TFPI: variants seen among roughly 807,000 people sequenced by gnomAD.
TFPI encodes the protein tissue factor pathway inhibitor.
TFPI carries 15 observed loss-of-function variants against 34.6 expected under a neutral mutation model. The observed-to-expected ratio is 0.43, with a 90% CI of 0.29 to 0.67. TFPI has a LOEUF of 0.67. Among genes scored for constraint, TFPI ranks in the 30% least tolerant of loss-of-function variants. TFPI has a pLI of 0.15. For synonymous variants in TFPI, 105 were observed against 120.1 expected, an observed-to-expected ratio of 0.87 and a Z score of 0.82; for missense variants, 301 against 364.0, an observed-to-expected ratio of 0.83 and a Z score of 1.41.
intron 1 of TFPI, among the ~76,000 whole-genome samples, chr2:187,541,406 C>T (rs183109211): frequency 6.6e-6 from 1 of 152,256 alleles, no homozygotes; most frequent in Non-Finnish European, 1.5e-5. Flanking sequence ...TTGATGGTTC[C>T]TGGCACTGAC....
At chr2:187,531,908 C>T (rs1486040220) in intron 1 of TFPI, among the ~76,000 whole-genome samples, 3 of 149,116 alleles carry the variant, frequency 2.0e-5, no homozygotes, top group Non-Finnish European at 4.4e-5. Context: ...GATTTCTTAC[C>T]AACTGCTTTT....
chr2:187,520,727 A>C (rs1687324095), intron 1 of TFPI: 1 of 152,112 alleles, frequency 6.6e-6, no homozygotes. Context: ...ATACTTTTGC[A>C]CCAGATATTT....
At chr2:187,531,027 C>T (rs1687930911) in intron 1 of TFPI, among the ~76,000 whole-genome samples, 1 of 152,132 alleles carries the variant, frequency 6.6e-6, no homozygotes, top group Non-Finnish European at 1.5e-5. Flanking sequence ...CTTTGTTTCT[C>T]ACAAAACCTG....
chr2:187,543,229 A>G (rs1688675146), intron 1 of TFPI, among the ~76,000 whole-genome samples: 1 of 152,222 alleles, frequency 6.6e-6, no homozygotes, highest in Non-Finnish European at 1.5e-5. Context: ...TATTTATTTT[A>G]CTAGAGAAAA....
chr2:187,510,629 C>G (rs1016641774), intron 1 of TFPI, among the ~76,000 whole-genome samples: 1 of 152,172 alleles, frequency 6.6e-6, no homozygotes, highest in Non-Finnish European at 1.5e-5. Flanking sequence ...AGTTAAAGAT[C>G]GACCCCTGAC....
rs527621301 is a variant in TFPI, at chr2:187,485,984, T to C, written c.359-997A>G. Among the ~76,000 whole-genome samples the C allele has an allele frequency of 2.6e-5, 4 of 151,826 alleles. No homozygotes were observed. The South Asian group carries it at 8.3e-4, about 31-fold the overall frequency. On this transcript the variant is annotated intron_variant, in intron 4 of 7. Coordinates refer to ENST00000233156, the MANE Select transcript of TFPI (RefSeq NM_006287.6). Reference sequence around the variant, plus strand: ...TTTTACAATAAAAAAGAACATGTATTTAATAATGTTAATGATTTCTGCAAC... The same window carrying C: ...TTTTACAATAAAAAAGAACATGTATCTAATAATGTTAATGATTTCTGCAAC...
chr2:187,544,121 C>T (rs7594359), intron 1 of TFPI, among the ~76,000 whole-genome samples: 54,984 of 151,958 alleles, frequency 0.36, 10,871 homozygotes, highest in Non-Finnish European at 0.45. Flanking sequence ...CAAATATAAC[C>T]TCACAGTTGT....
Position 187,467,103 on chromosome 2 carries a change from T to C in TFPI, c.809-61A>G, listed in dbSNP as rs1012830355. 10 of 1,104,626 alleles carry C rather than the reference T, an allele frequency of 9.1e-6. No homozygotes were observed. The African/African-American group carries it at 1.6e-4, about 18-fold the overall frequency. 68.4% of individuals were successfully genotyped at this position (1,104,626 alleles called of 1,614,324 possible). A position where few individuals can be genotyped will look rare whatever the true frequency, so the allele number is the denominator to read the frequency against. On this transcript the variant is annotated intron_variant, in intron 7 of 7. Coordinates refer to ENST00000233156, the MANE Select transcript of TFPI (RefSeq NM_006287.6). ...AAATAACACAATGAAATGTTTTATC[T>C]AAAATCTTCTCAAAGTAACTTTTAA...
chr2:187,497,844 C>G lies in TFPI; in HGVS notation c.122-766G>C, dbSNP rs550770356. ...TCAAGTCCAATAAAATTAATAGAAG[C>G]CTAATGTTAAGTAAAGTCTATTTGT... is the stretch of plus-strand genomic sequence containing the variant. On this transcript the variant is annotated intron_variant, in intron 2 of 7. Transcript: ENST00000233156. Among the ~76,000 whole-genome samples, 6 of 151,474 alleles carry G rather than the reference C, an allele frequency of 4.0e-5. No individual in the cohort carries two copies. In the South Asian group the frequency reaches 1.3e-3, roughly 32 times the overall value.
intron 1 of TFPI, among the ~76,000 whole-genome samples, chr2:187,525,410 G>C (rs1687625314): frequency 6.6e-6 from 1 of 151,930 alleles, no homozygotes; most frequent in Non-Finnish European, 1.5e-5. Flanking sequence ...TTGGCAAGTA[G>C]CTCCTTTCTT....
chr2:187,522,665 C>T (rs9808448), intron 1 of TFPI, among the ~76,000 whole-genome samples: 2,820 of 146,816 alleles, frequency 0.019, 95 homozygotes, highest in African/African-American at 0.067. Context: ...GGGTGGATCA[C>T]GAGGTCAGGA....
chr2:187,517,060 C>G (rs927339392), intron 1 of TFPI: 14 of 152,194 alleles, frequency 9.2e-5, no homozygotes, highest in Admixed American at 6.5e-4. Context: ...GGAGTTTTGT[C>G]TGTGGCTCGT....
intron 4 of TFPI, among the ~76,000 whole-genome samples, chr2:187,485,663 ACTT>A (rs371346835): frequency 4.6e-5 from 7 of 151,856 alleles, no homozygotes; most frequent in African/African-American, 1.4e-4. Flanking sequence ...AAAGACTAAT[ACTT>A]CTTCTTTGAT....
intron 1 of TFPI, chr2:187,516,692 G>T (rs934624803): frequency 2.6e-5 from 4 of 152,098 alleles, no homozygotes; most frequent in African/African-American, 9.7e-5. Context: ...AAACTAAAAG[G>T]CAGAAATGAA....
chr2:187,466,684 T>TGAAAATACAGATAGATCCA lies in TFPI; in HGVS notation c.*233_*251dup, dbSNP rs1574352880. ...GGTAGTATGATAATTTGTAGTTAAA[T>TGAAAATACAGATAGATCCA]GAAAATACAGATAGATCCAGAAAAT... On this transcript the variant is annotated 3_prime_UTR_variant, in exon 8 of 8. Coordinates refer to ENST00000233156, the MANE Select transcript of TFPI (RefSeq NM_006287.6). The TGAAAATACAGATAGATCCA allele has an allele frequency of 3.8e-6, 1 of 260,672 alleles. No homozygotes were observed. Among genetic ancestry groups the TGAAAATACAGATAGATCCA allele is most frequent in the East Asian group, 1.2e-4 (1 of 8,196 alleles). 16.1% of individuals were successfully genotyped at this position (260,672 alleles called of 1,614,324 possible).
intron 1 of TFPI, among the ~76,000 whole-genome samples, chr2:187,523,786 C>G (rs1049898190): frequency 6.6e-6 from 1 of 152,022 alleles, no homozygotes; most frequent in Non-Finnish European, 1.5e-5. Flanking sequence ...TTTACTGTAT[C>G]TATAGTTTTT....
rs112042081 is a variant in TFPI at position 187,484,064 on chromosome 2, C to T, written c.628+60G>A. The T allele has an allele frequency of 5.1e-4, 694 of 1,356,202 alleles. 4 individuals are homozygous for T. In the African/African-American group the frequency reaches 8.9e-3, roughly 17 times the overall value. The allele number at this position is 1,356,202 out of a possible 1,614,324, so 84.0% of individuals were successfully genotyped here. On this transcript the variant is annotated intron_variant, in intron 6 of 7. Coordinates refer to ENST00000233156, the MANE Select transcript of TFPI (RefSeq NM_006287.6). ...AAAGACATACTTCTAATACACAATCCACTTCATTGTTAGCATGATAATAGT... is the reference window on the plus strand; with the variant it reads ...AAAGACATACTTCTAATACACAATCTACTTCATTGTTAGCATGATAATAGT...
intron 3 of TFPI, among the ~76,000 whole-genome samples, chr2:187,492,531 G>C (rs1167862704): frequency 2.0e-5 from 3 of 152,182 alleles, no homozygotes; most frequent in Non-Finnish European, 2.9e-5. Flanking sequence ...CTGTAAATAA[G>C]TGTTACAACC....
Position 187,484,799 on chromosome 2 carries a change from A to G in TFPI, c.535+12T>C. On this transcript the variant is annotated intron_variant, in intron 5 of 7. Coordinates refer to ENST00000233156, the MANE Select transcript of TFPI (RefSeq NM_006287.6). The stretch of plus-strand genomic sequence containing the variant: ...TATAAATGAACTAAAATGAAATAAG[A>G]AATAAACTTACGACCATCTTCACAA... The G allele has an allele frequency of 6.4e-7, 1 of 1,572,260 alleles. No homozygotes were observed. The highest frequency in any genetic ancestry group is 1.4e-5 in the African/African-American group (1 of 72,206).
Sources: gnomAD v4.1 joint callset for allele counts (sites outside exome capture counted in the v4.1 genomes callset) on GRCh38, gnomAD v4.1.1 for gene constraint, MANE v1.5 for transcripts, NCBI Gene and HGNC (gene_info 2026-07-23, HGNC 2026-07-21) for gene names.